The following FARS2 variants were observed in gnomAD, a reference collection of about 807,000 sequenced individuals.
The protein encoded by FARS2 is phenylalanine--tRNA ligase, mitochondrial.
Under a neutral mutation model 46.4 loss-of-function variants are expected in FARS2, and 40 were observed. The observed-to-expected ratio is 0.86, with a 90% CI of 0.67 to 1.12. FARS2 has a LOEUF of 1.12. Among genes scored for constraint, FARS2 ranks in the 50% most tolerant of loss-of-function variants. The pLI is 0.00. For missense variants in FARS2, 513 were observed against 567.9 expected (o/e 0.90, Z 0.98); for synonymous variants, 234 against 214.9 (o/e 1.09, Z -0.78).
intron 4 of FARS2, among the ~76,000 whole-genome samples, chr6:5,478,403 C>G (rs1046055314): frequency 5.9e-5 from 9 of 152,296 alleles, no homozygotes; most frequent in African/African-American, 2.2e-4. Context: ...GACAGCTAAT[C>G]TTGGGAATAG....
chr6:5,424,913 G>C (rs1170963572), intron 3 of FARS2, among the ~76,000 whole-genome samples: 3 of 152,208 alleles, frequency 2.0e-5, no homozygotes, highest in Non-Finnish European at 4.4e-5. Flanking sequence ...GACAGTGGCG[G>C]CTGCACGATT....
At chr6:5,516,939 G>T (rs1768834994) in intron 4 of FARS2, among the ~76,000 whole-genome samples, 2 of 152,162 alleles carry the variant, frequency 1.3e-5, no homozygotes, top group Admixed American at 1.3e-4. Flanking sequence ...GATGCTTGGG[G>T]TATAAAAATG....
In FARS2 at chr6:5,727,999, A is replaced by G. The variant is rs1005023742; in HGVS notation, c.1218-43292A>G. On this transcript the variant is annotated intron_variant, in intron 6 of 6. Transcript: ENST00000274680. The surrounding 1 kb of genome is among the most constrained non-coding windows in gnomAD (Gnocchi z 4.1). ...CTTCGCTTACCACCGTGGGCACTTA[A>G]TGGATGCTAAATAATTGAAAGAATA... Among the ~76,000 whole-genome samples, 2 of 152,208 alleles carry G rather than the reference A, an allele frequency of 1.3e-5. No individual in the cohort carries two copies. The highest frequency in any genetic ancestry group is 4.8e-5 in the African/African-American group (2 of 41,458).
At position 5,368,671 on chromosome 6, in the gene FARS2, C is replaced by T. The variant is rs148568494; in HGVS notation, c.101C>T (p.Ser34Leu). The T allele has an allele frequency of 6.5e-5, 105 of 1,614,152 alleles. No individual in the cohort carries two copies. In the African/African-American group the frequency reaches 7.9e-4, roughly 12 times the overall value. Residue 34 changes from serine (S) to leucine (L), a missense_variant, in exon 2 of 7, where the codon TCG (serine) becomes TTG (leucine). Coordinates refer to ENST00000274680, the MANE Select transcript of FARS2 (RefSeq NM_006567.5). The part of the protein sequence containing the change: ...SRGHQHQAWG[S>L]RPPAAECATQ... ...GGCCATCAGCACCAGGCCTGGGGAT[C>T]GAGGCCTCCTGCAGCAGAGTGTGCC... is the stretch of plus-strand genomic sequence containing the variant.
chr6:5,526,799 T>C (rs966439687), intron 4 of FARS2, among the ~76,000 whole-genome samples: 1 of 152,080 alleles, frequency 6.6e-6, no homozygotes, highest in Non-Finnish European at 1.5e-5. Flanking sequence ...GTGTATTTAG[T>C]AGAGACAGGA....
intron 4 of FARS2, among the ~76,000 whole-genome samples, chr6:5,481,450 GTTTCT>G (rs1766452045): frequency 6.6e-6 from 1 of 152,182 alleles, no homozygotes; most frequent in Non-Finnish European, 1.5e-5. Flanking sequence ...TACTACCACA[GTTTCT>G]TTTCTTTTGT....
At chr6:5,295,087 A>G (rs1177331183) in intron 1 of FARS2, among the ~76,000 whole-genome samples, 1 of 152,042 alleles carries the variant, frequency 6.6e-6, no homozygotes, top group Non-Finnish European at 1.5e-5. Context: ...ACCTCTTAAC[A>G]CCACAGATCG....
intron 4 of FARS2, among the ~76,000 whole-genome samples, chr6:5,436,571 C>A (rs1216408297): frequency 1.3e-5 from 2 of 152,180 alleles, no homozygotes; most frequent in Non-Finnish European, 2.9e-5. Context: ...ATCGTTAGAA[C>A]ATAGTCATGC....
At chr6:5,433,675 G>A (rs1763360207) in intron 4 of FARS2, among the ~76,000 whole-genome samples, 1 of 152,226 alleles carries the variant, frequency 6.6e-6, no homozygotes, top group Non-Finnish European at 1.5e-5. Flanking sequence ...AGTAGGAGCT[G>A]ACTTCAAATA....
intron 5 of FARS2, among the ~76,000 whole-genome samples, chr6:5,592,440 G>A (rs1773971784): frequency 6.6e-6 from 1 of 151,756 alleles, no homozygotes. Context: ...AAACAAACCT[G>A]CCATATTTAC....
intron 5 of FARS2, among the ~76,000 whole-genome samples, chr6:5,608,183 T>G (rs1338867830): frequency 6.6e-5 from 10 of 152,194 alleles, no homozygotes; most frequent in Admixed American, 6.5e-4. Flanking sequence ...TGCAGTGTGA[T>G]AAATGTAAGG....
At chr6:5,688,598 T>A (rs955368815) in intron 6 of FARS2, among the ~76,000 whole-genome samples, 2 of 152,242 alleles carry the variant, frequency 1.3e-5, no homozygotes, top group Non-Finnish European at 2.9e-5. Flanking sequence ...CTGGATTTGG[T>A]TTGCCAGTAT....
At chr6:5,485,536 T>C (rs1561654826) in intron 4 of FARS2, among the ~76,000 whole-genome samples, 1 of 146,506 alleles carries the variant, frequency 6.8e-6, no homozygotes. Context: ...GCAGTGACTG[T>C]GGGGCTAAGA....
chr6:5,687,658 T>C (rs1489992757), intron 6 of FARS2, among the ~76,000 whole-genome samples: 1 of 152,164 alleles, frequency 6.6e-6, no homozygotes. Context: ...GTTCTTTTGG[T>C]TTAGGATTGA....
chr6:5,373,371 C>A (rs1759176380), intron 2 of FARS2, among the ~76,000 whole-genome samples: 1 of 152,026 alleles, frequency 6.6e-6, no homozygotes, highest in Admixed American at 6.6e-5. Flanking sequence ...GTTAACGTGT[C>A]TCCTGAAGGA....
intron 4 of FARS2, among the ~76,000 whole-genome samples, chr6:5,463,618 T>C (rs1008098107): frequency 1.3e-5 from 2 of 152,252 alleles, no homozygotes; most frequent in Non-Finnish European, 2.9e-5. Context: ...GTTAAAACTT[T>C]AATAATACAA....
At chr6:5,528,051 G>C (rs1582360953) in intron 4 of FARS2, among the ~76,000 whole-genome samples, 1 of 152,146 alleles carries the variant, frequency 6.6e-6, no homozygotes, top group African/African-American at 2.4e-5. Flanking sequence ...GCTAAGCAAG[G>C]CATAACTATT....
chr6:5,304,172 C>T (rs1768529940), intron 1 of FARS2, among the ~76,000 whole-genome samples: 1 of 152,186 alleles, frequency 6.6e-6, no homozygotes, highest in Non-Finnish European at 1.5e-5. Context: ...ACATTTACCA[C>T]CCTAAAACAT....
intron 4 of FARS2, among the ~76,000 whole-genome samples, chr6:5,434,677 A>C (rs1763418238): frequency 6.6e-6 from 1 of 152,156 alleles, no homozygotes; most frequent in African/African-American, 2.4e-5. Flanking sequence ...AGAAAGACCG[A>C]ATAGGTATAC....
Sources: allele counts gnomAD v4.1 joint callset (sites outside exome capture counted in the v4.1 genomes callset), GRCh38; gene constraint gnomAD v4.1.1; non-coding constraint Gnocchi (gnomAD v3.1); transcripts MANE v1.5; gene names NCBI Gene and HGNC (gene_info 2026-07-23, HGNC 2026-07-21).